Variants in USB1 observed in about 807,000 individuals in gnomAD.
USB1 encodes the protein U6 snRNA biogenesis phosphodiesterase 1, also known as U6 snRNA phosphodiesterase 1.
USB1 carries 21 observed loss-of-function variants against 29.9 expected under a neutral mutation model. That is an observed-to-expected ratio of 0.70 (90% CI 0.50 to 1.01). The LOEUF (loss-of-function observed/expected upper bound fraction) is 1.01. USB1 is among the 50% of genes least tolerant of loss of function. USB1 has a pLI of 0.00. For missense variants in USB1, 330 were observed against 347.1 expected, an observed-to-expected ratio of 0.95 and a Z score of 0.39; for synonymous variants, 143 against 134.9, an observed-to-expected ratio of 1.06 and a Z score of -0.42.
At chr16:58,009,494 C>T (rs1043569201) in intron 2 of USB1, among the ~76,000 whole-genome samples, 2 of 151,810 alleles carry the variant, frequency 1.3e-5, no homozygotes, top group South Asian at 2.1e-4. Flanking sequence ...CCGAGGCGGG[C>T]GGATCACGAG....
At chr16:58,019,141 A>C in intron 6 of USB1, 86 bp downstream of exon 6, 2 of 1,351,266 alleles carry the variant, frequency 1.5e-6, no homozygotes, top group Non-Finnish European at 1.0e-6. Context: ...TGAGGCACCC[A>C]AACCTGAATC....
chr16:58,009,432 A>C (rs967656134), intron 2 of USB1, among the ~76,000 whole-genome samples: 86 of 152,244 alleles, frequency 5.6e-4, no homozygotes, highest in African/African-American at 2.0e-3. Flanking sequence ...GTTAAGAAAA[A>C]CTGGAGGCTG....
At chr16:58,009,862 GCTT>G in intron 2 of USB1, 64 bp from the exon 3 acceptor site, 1 of 1,601,244 alleles carries the variant, frequency 6.2e-7, no homozygotes, top group East Asian at 2.2e-5. Context: ...TGCCTTCTGG[GCTT>G]CTTCATTCAG....
intron 3 of USB1, chr16:58,011,016 A>G: frequency 1.4e-6 from 1 of 709,540 alleles, no homozygotes; most frequent in Admixed American, 2.0e-5. Context: ...TTCTGTGATC[A>G]GCCCCCATCC....
chr16:57,999,988 T>C (rs1053406525), upstream of USB1: 3 of 152,560 alleles, frequency 2.0e-5, no homozygotes, highest in Non-Finnish European at 4.4e-5. Flanking sequence ...GCCTCTGTGA[T>C]CACTCCGCAA....
intron 4 of USB1, chr16:58,015,134 G>A (rs573900854): frequency 1.8e-4 from 27 of 152,024 alleles, no homozygotes; most frequent in Admixed American, 6.6e-5. Flanking sequence ...GACTGGAGGA[G>A]CATGTAGTGG....
rs918351704 is a variant in USB1 at position 58,012,258 on chromosome 16, C to T, written c.450-2015C>T. ...TCTCTCAACCTAGTCCAGCCCTCCC[C>T]CTCTTTGGATTGTCATTATCAAGTT... On this transcript the variant is annotated intron_variant, in intron 3 of 6. Coordinates refer to ENST00000219281, the MANE Select transcript of USB1 (RefSeq NM_024598.4). The T allele has an allele frequency of 7.2e-6, 11 of 1,534,176 alleles. No individual in the cohort carries two copies. In the Admixed American group the frequency reaches 1.4e-4, roughly 19 times the overall value.
Position 58,013,280 on chromosome 16 carries a change from A to G in USB1, c.450-993A>G, listed in dbSNP as rs1330329800. On this transcript the variant is annotated intron_variant, in intron 3 of 6. Coordinates refer to ENST00000219281, the MANE Select transcript of USB1 (RefSeq NM_024598.4). The surrounding 1 kb of genome is among the most constrained non-coding windows in gnomAD (Gnocchi z 4.3). ...GTCCACTCCAGGATGTTTGGGAGAC[A>G]CCTTGAGAACTCTTCCTAAAAGCTG... 4.1e-6 allele frequency: 4 copies of G among 985,318 alleles called. No individual in the cohort carries two copies. In the Admixed American group the frequency reaches 1.8e-4, roughly 45 times the overall value. The allele number at this position is 985,318 out of a possible 1,614,324, so 61.0% of individuals were successfully genotyped here.
upstream of USB1, chr16:58,001,371 A>T: frequency 8.0e-7 from 1 of 1,251,674 alleles, no homozygotes; most frequent in Admixed American, 2.0e-5. Flanking sequence ...CTCCGCCCCG[A>T]GGCGGTGCCA....
In USB1 at chr16:58,002,532, A is replaced by C; in HGVS notation, c.152A>C (p.Asn51Thr). The C allele has an allele frequency of 6.2e-7, 1 of 1,614,132 alleles. No homozygotes were observed. Among genetic ancestry groups the C allele is most frequent in the South Asian group, 1.1e-5 (1 of 91,092 alleles). Residue 51 changes from asparagine (N) to threonine (T), a missense_variant, in exon 2 of 7, where the codon AAC becomes ACC. Transcript: ENST00000219281. Reference sequence around the variant, plus strand: ...TTTCCAGTACCTGACAGTGTGCTGAACATGTTCCCGGGCACCGAGGAGGGG... The same window carrying C: ...TTTCCAGTACCTGACAGTGTGCTGACCATGTTCCCGGGCACCGAGGAGGGG... ...QRFPVPDSVL[N>T]MFPGTEEGPE... is the part of the protein sequence containing the mutation.
chr16:58,009,819 C>A, intron 2 of USB1, 110 bp from the exon 3 acceptor site: 2 of 1,210,822 alleles, frequency 1.7e-6, no homozygotes, highest in Non-Finnish European at 1.2e-6. Flanking sequence ...AAGTAATTTT[C>A]TCCCCAAACC....
chr16:58,013,706 A>C lies in USB1; in HGVS notation c.450-567A>C. ...AAGGACTCTGGAAACAGGCAGACTG[A>C]CTGTTCCAATCCTGGCTCACCAAAT... On this transcript the variant is annotated intron_variant, in intron 3 of 6. Transcript: ENST00000219281. This position sits in a 1 kb window ranked among gnomAD's most constrained non-coding sequence, Gnocchi z 4.3. 6.1e-6 allele frequency: 5 copies of C among 818,398 alleles called. No individual in the cohort carries two copies. Among genetic ancestry groups the C allele is most frequent in the African/African-American group, 3.7e-5 (2 of 53,908 alleles). 50.7% of individuals were successfully genotyped at this position (818,398 alleles called of 1,614,324 possible). A position where few individuals can be genotyped will look rare whatever the true frequency, so the allele number is the denominator to read the frequency against.
At position 58,019,020 on chromosome 16, in the gene USB1, C is replaced by T. The variant is rs1254413592; in HGVS notation, c.658C>T (p.Leu220Phe). 3 of 1,614,070 alleles carry T rather than the reference C, an allele frequency of 1.9e-6. No homozygotes were observed. Among genetic ancestry groups the T allele is most frequent in the Admixed American group, 3.3e-5 (2 of 60,008 alleles). ...SLAWCVGDAR[L>F]QLEGQCLQEL... ...GGCCTGGTGTGTGGGTGATGCACGTCTCCAGCTGGAGGGGCAGTGCCTGCA... is the reference window on the plus strand; with the variant it reads ...GGCCTGGTGTGTGGGTGATGCACGTTTCCAGCTGGAGGGGCAGTGCCTGCA... The change falls in exon 6 of 7, where the codon CTC (leucine) becomes TTC (phenylalanine). Residue 220 changes from leucine (L) to phenylalanine (F), a missense_variant. Physicochemically the swap from Leu to Phe is conservative, Grantham distance 22. Coordinates refer to ENST00000219281, the MANE Select transcript of USB1 (RefSeq NM_024598.4).
chr16:58,002,084 C>T (rs998197126), intron 1 of USB1, among the ~76,000 whole-genome samples: 10 of 152,208 alleles, frequency 6.6e-5, no homozygotes, highest in African/African-American at 2.4e-4. Context: ...GCTTTACAAG[C>T]AGTAGCTCAG....
intron 2 of USB1, among the ~76,000 whole-genome samples, chr16:58,008,980 A>G (rs1597048267): frequency 6.6e-6 from 1 of 152,194 alleles, no homozygotes; most frequent in East Asian, 1.9e-4. Context: ...ACAGACTTTT[A>G]GTCTAATTTC....
chr16:58,001,369 C>T, upstream of USB1: 4 of 1,252,160 alleles, frequency 3.2e-6, no homozygotes, highest in Non-Finnish European at 4.5e-6. Flanking sequence ...GGCTCCGCCC[C>T]GAGGCGGTGC....
Position 58,018,312 on chromosome 16 carries a change from C to T in USB1, c.610-660C>T, listed in dbSNP as rs1192860401. Among the ~76,000 whole-genome samples the T allele has an allele frequency of 3.3e-5, 5 of 151,520 alleles. No homozygotes were observed. The East Asian group carries it at 5.8e-4, about 18-fold the overall frequency. On this transcript the variant is annotated intron_variant, in intron 5 of 6. Transcript: ENST00000219281. The stretch of plus-strand genomic sequence containing the variant: ...CGCAATCTCAGCTCCCTGCAACCTC[C>T]GCCTCCCAGGTTCAAGCAATTCTGC...
chr16:58,013,114 G>T lies in USB1; in HGVS notation c.450-1159G>T. ...GACCAAGAGTGGGCGGTGCACCCCTGATTCTGTTGCTGTGACTGAGGAAAT... is the reference window on the plus strand; with the variant it reads ...GACCAAGAGTGGGCGGTGCACCCCTTATTCTGTTGCTGTGACTGAGGAAAT... On this transcript the variant is annotated intron_variant, in intron 3 of 6. Coordinates refer to ENST00000219281, the MANE Select transcript of USB1 (RefSeq NM_024598.4). The surrounding 1 kb of genome is among the most constrained non-coding windows in gnomAD (Gnocchi z 4.3). 1.0e-6 allele frequency: 1 copy of T among 985,554 alleles called. No homozygotes were observed. Among genetic ancestry groups the T allele is most frequent in the Non-Finnish European group, 1.2e-6 (1 of 830,040 alleles). 61.1% of individuals were successfully genotyped at this position (985,554 alleles called of 1,614,324 possible).
chr16:58,001,747 C>A (rs557379840), intron 1 of USB1, among the ~76,000 whole-genome samples, 166 bp downstream of exon 1: 4 of 151,658 alleles, frequency 2.6e-5, no homozygotes, highest in Non-Finnish European at 5.9e-5. Flanking sequence ...CCCTCCCCCC[C>A]ACCCCAGACA....
Sources: allele counts gnomAD v4.1 joint callset (sites outside exome capture counted in the v4.1 genomes callset), GRCh38; gene constraint gnomAD v4.1.1; non-coding constraint Gnocchi (gnomAD v3.1); transcripts MANE v1.5; gene names NCBI Gene and HGNC (gene_info 2026-07-23, HGNC 2026-07-21).